Variants in NRXN1 observed in about 807,000 individuals in gnomAD.
NRXN1 encodes the protein neurexin 1.
NRXN1 carries 39 observed loss-of-function variants against 150.9 expected under a neutral mutation model. The observed-to-expected ratio is 0.26, with a 90% CI of 0.20 to 0.34. The LOEUF is 0.34. NRXN1 is among the 10% of genes least tolerant of loss of function. NRXN1 has a pLI of 1.00. For synonymous variants in NRXN1, 924 were observed against 757.0 expected, an observed-to-expected ratio of 1.22 and a Z score of -3.62; for missense variants, 1,815 against 1,949.9, an observed-to-expected ratio of 0.93 and a Z score of 1.30.
At chr2:50,495,871 C>A in intron 15 of NRXN1, 34 bp downstream of exon 15, 3 of 1,539,748 alleles carry the variant, frequency 1.9e-6, no homozygotes, top group African/African-American at 1.4e-5. Flanking sequence ...CCGTGTGGTG[C>A]AAGGCTCGTT....
At chr2:50,140,344 C>T (rs563834383) in intron 18 of NRXN1, among the ~76,000 whole-genome samples, 5 of 152,050 alleles carry the variant, frequency 3.3e-5, no homozygotes, top group African/African-American at 1.2e-4. Context: ...TTTTTCAGAA[C>T]CTGACCATGT....
chr2:50,155,028 G>T (rs887963109), intron 18 of NRXN1, among the ~76,000 whole-genome samples: 2 of 151,458 alleles, frequency 1.3e-5, no homozygotes, highest in Non-Finnish European at 3.0e-5. Context: ...TTTCATCAAA[G>T]CTGTAAAATA....
intron 17 of NRXN1, among the ~76,000 whole-genome samples, chr2:50,334,827 A>T (rs2077077135): frequency 6.6e-6 from 1 of 152,178 alleles, no homozygotes; most frequent in South Asian, 2.1e-4. Flanking sequence ...GCACTTACAT[A>T]CCACTAAAAG....
intron 17 of NRXN1, among the ~76,000 whole-genome samples, chr2:50,367,101 A>C (rs1277418303): frequency 6.6e-6 from 1 of 151,978 alleles, no homozygotes; most frequent in Non-Finnish European, 1.5e-5. Context: ...GGGTTTCTCC[A>C]GATGCATTTT....
At chr2:50,113,112 C>G (rs1166260262) in intron 18 of NRXN1, among the ~76,000 whole-genome samples, 1 of 152,146 alleles carries the variant, frequency 6.6e-6, no homozygotes, top group Non-Finnish European at 1.5e-5. Flanking sequence ...CAGTGACGAT[C>G]TTGAAGGTAT....
chr2:50,541,626 G>A (rs551823151), intron 9 of NRXN1, among the ~76,000 whole-genome samples: 1 of 151,964 alleles, frequency 6.6e-6, no homozygotes, highest in Non-Finnish European at 1.5e-5. Context: ...CATTAGACTT[G>A]AGTTTTCTGA....
At chr2:50,994,416 C>A (rs1234335740) in intron 2 of NRXN1, among the ~76,000 whole-genome samples, 1 of 152,000 alleles carries the variant, frequency 6.6e-6, no homozygotes, top group African/African-American at 2.4e-5. Flanking sequence ...ACTTAATCAC[C>A]TAGTCAAAAG....
rs140607546 is a variant in NRXN1, at chr2:50,505,744, G to C, written c.2497+751C>G. Among the ~76,000 whole-genome samples the C allele has an allele frequency of 2.2e-3, 328 of 152,242 alleles. 1 individual carries two copies. The highest frequency in any genetic ancestry group is 7.7e-3 in the African/African-American group (320 of 41,560). On this transcript the variant is annotated intron_variant, in intron 13 of 22. Coordinates refer to ENST00000401669, the MANE Select transcript of NRXN1 (RefSeq NM_001330078.2). ...TGGGCATGGGGACCTCCTTCGAATT[G>C]AATGAACAGACACGTATCCACTGTA...
intron 5 of NRXN1, among the ~76,000 whole-genome samples, chr2:50,692,040 CA>C (rs1421766384): frequency 2.0e-5 from 3 of 151,862 alleles, no homozygotes; most frequent in Non-Finnish European, 4.4e-5. Flanking sequence ...TGTGTGAAAA[CA>C]AAAAAATGGC....
chr2:50,316,887 T>C (rs1254059522), intron 17 of NRXN1, among the ~76,000 whole-genome samples: 3 of 151,952 alleles, frequency 2.0e-5, no homozygotes, highest in Non-Finnish European at 4.4e-5. Context: ...GAGTACAGTA[T>C]CTACTATGAG....
intron 17 of NRXN1, among the ~76,000 whole-genome samples, chr2:50,381,681 G>C (rs2080983959): frequency 6.6e-6 from 1 of 151,988 alleles, no homozygotes; most frequent in Admixed American, 6.6e-5. Flanking sequence ...TGGTGGAAAA[G>C]TAATTGTGGT....
chr2:50,467,252 C>A (rs564380626), intron 16 of NRXN1, among the ~76,000 whole-genome samples: 10 of 151,732 alleles, frequency 6.6e-5, no homozygotes, highest in Admixed American at 2.6e-4. Flanking sequence ...TGTGGAATAA[C>A]TGTTACAGTA....
chr2:50,902,084 T>A (rs1683039369), intron 5 of NRXN1, among the ~76,000 whole-genome samples: 1 of 152,148 alleles, frequency 6.6e-6, no homozygotes, highest in African/African-American at 2.4e-5. Context: ...AATGTACTAT[T>A]TTTTTCCTTT....
intron 5 of NRXN1, among the ~76,000 whole-genome samples, chr2:50,828,549 C>CG (rs1379149552): frequency 2.0e-5 from 3 of 151,108 alleles, no homozygotes; most frequent in Non-Finnish European, 4.4e-5. Flanking sequence ...ACCTCCCAGA[C>CG]GGGGTCGCGG....
At chr2:50,858,408 T>C (rs1288082791) in intron 5 of NRXN1, among the ~76,000 whole-genome samples, 1 of 152,086 alleles carries the variant, frequency 6.6e-6, no homozygotes, top group Non-Finnish European at 1.5e-5. Context: ...CAGGCCCAGA[T>C]GCTTTTGTTG....
intron 21 of NRXN1, among the ~76,000 whole-genome samples, chr2:49,955,651 T>C (rs1674795923): frequency 6.6e-6 from 1 of 151,916 alleles, no homozygotes; most frequent in African/African-American, 2.4e-5. Flanking sequence ...ACTATCTCTA[T>C]CTCTTACAAA....
chr2:49,976,859 A>G (rs1573174092), intron 21 of NRXN1, among the ~76,000 whole-genome samples: 1 of 152,190 alleles, frequency 6.6e-6, no homozygotes, highest in Non-Finnish European at 1.5e-5. Context: ...TTGTATATTT[A>G]CCCAGACATG....
Position 50,180,152 on chromosome 2 carries a change from G to C in NRXN1, c.3546+56637C>G, listed in dbSNP as rs1405780962. ...TCCTCCTGCCTCAGCCTCCTGAGTA[G>C]CTAAGAATACAGGGCGGTGCCCCCA... On this transcript the variant is annotated intron_variant, in intron 18 of 22. Transcript: ENST00000401669. Among the ~76,000 whole-genome samples, 6 of 151,542 alleles carry C rather than the reference G, an allele frequency of 4.0e-5. 1 individual carries two copies. In the East Asian group the frequency reaches 1.2e-3, roughly 30 times the overall value.
intron 18 of NRXN1, among the ~76,000 whole-genome samples, chr2:50,150,708 C>T (rs757661871): frequency 3.3e-4 from 50 of 151,632 alleles, no homozygotes; most frequent in Non-Finnish European, 4.7e-4. Flanking sequence ...TTATCTTCTG[C>T]GATTTATAAA....
Sources: gnomAD v4.1 joint callset for allele counts (sites outside exome capture counted in the v4.1 genomes callset) on GRCh38, gnomAD v4.1.1 for gene constraint, MANE v1.5 for transcripts, NCBI Gene and HGNC (gene_info 2026-07-23, HGNC 2026-07-21) for gene names.